Variants in RAB33B observed in about 807,000 individuals in gnomAD.
The protein encoded by RAB33B is RAB33B, member RAS oncogene family.
Under a neutral mutation model 15.0 loss-of-function variants are expected in RAB33B, and 6 were observed. The observed-to-expected ratio is 0.40, with a 90% CI of 0.22 to 0.79. The LOEUF (loss-of-function observed/expected upper bound fraction) is 0.79. RAB33B is among the 30% of genes least tolerant of loss of function. The probability of loss-of-function intolerance (pLI) is 0.37; values close to 1 mark genes in which losing one functional copy is unlikely to be tolerated. For synonymous variants in RAB33B, 117 were observed against 108.3 expected (o/e 1.08, Z -0.50); for missense variants, 257 against 296.4 (o/e 0.87, Z 0.98).
At chr4:139,447,657 A>ATTTT in the RAB33B span, among the ~76,000 whole-genome samples, 2 of 120,264 alleles carry the variant, frequency 1.7e-5, no homozygotes, top group Non-Finnish European at 3.5e-5. Context: ...TCAGTCTACT[A>ATTTT]CTTTTTTTTT....
chr4:139,462,119 T>C (rs1316722968), intron 1 of RAB33B, among the ~76,000 whole-genome samples: 3 of 146,048 alleles, frequency 2.1e-5, no homozygotes, highest in Non-Finnish European at 3.0e-5. Flanking sequence ...AGTGGCACAA[T>C]CTGGGCTCAC....
intron 1 of RAB33B, among the ~76,000 whole-genome samples, chr4:139,455,864 A>G (rs1750059982): frequency 6.6e-6 from 1 of 152,162 alleles, no homozygotes. Context: ...TTCATATCTG[A>G]ACCTACGAAA....
rs911806347 is a variant in RAB33B, at chr4:139,461,119, T to G, written c.249+6675T>G. Reference sequence around the variant, plus strand: ...TTCATATAACTAAAAAGCCTAGAAGTAAATTTCTCTGTCTGCCAGTTCCAA... The same window carrying G: ...TTCATATAACTAAAAAGCCTAGAAGGAAATTTCTCTGTCTGCCAGTTCCAA... On this transcript the variant is annotated intron_variant, in intron 1 of 1. Transcript: ENST00000305626. 1.3e-5 allele frequency among the ~76,000 whole-genome samples: 2 copies of G among 152,148 alleles called. 1 individual carries two copies. Among genetic ancestry groups the G allele is most frequent in the South Asian group, 4.1e-4 (2 of 4,826 alleles).
At chr4:139,457,924 A>G (rs1750100361) in intron 1 of RAB33B, among the ~76,000 whole-genome samples, 1 of 152,014 alleles carries the variant, frequency 6.6e-6, no homozygotes, top group South Asian at 2.1e-4. Flanking sequence ...CTTTCTATTA[A>G]CTGTCTTGTC....
Position 139,457,306 on chromosome 4 carries a change from T to C in RAB33B, c.249+2862T>C, listed in dbSNP as rs149684181. 1.5e-3 allele frequency among the ~76,000 whole-genome samples: 235 copies of C among 152,344 alleles called. 1 individual carries two copies. Among genetic ancestry groups the C allele is most frequent in the African/African-American group, 5.4e-3 (224 of 41,580 alleles). On this transcript the variant is annotated intron_variant, in intron 1 of 1. Transcript: ENST00000305626. The stretch of plus-strand genomic sequence containing the variant: ...TAAAATTAAATTCCTTAAATACAAA[T>C]ACATTCGGCTTTTAAATTGAGACTC...
At chr4:139,438,793 A>C in the RAB33B span, among the ~76,000 whole-genome samples, 1 of 152,216 alleles carries the variant, frequency 6.6e-6, no homozygotes, top group Non-Finnish European at 1.5e-5. Flanking sequence ...CATTGTTACA[A>C]TAATACTAGC....
intron 1 of RAB33B, among the ~76,000 whole-genome samples, chr4:139,456,116 C>A (rs1750063823): frequency 6.6e-6 from 1 of 152,130 alleles, no homozygotes; most frequent in South Asian, 2.1e-4. Flanking sequence ...ATATGAAGCA[C>A]CTGGTTCATA....
At chr4:139,472,618 A>G in intron 1 of RAB33B, 68 bp from the exon 2 acceptor site, 1 of 1,119,762 alleles carries the variant, frequency 8.9e-7, no homozygotes, top group Non-Finnish European at 1.3e-6. Flanking sequence ...ATGCAAGATG[A>G]TTACATTTCT....
chr4:139,448,605 C>G (rs1465708729), upstream of RAB33B: 1 of 151,980 alleles, frequency 6.6e-6, no homozygotes, highest in East Asian at 1.9e-4. Context: ...TGGCTAATTT[C>G]TGTATTTTTA....
At chr4:139,444,227 AAT>A in the RAB33B span, among the ~76,000 whole-genome samples, 1 of 152,116 alleles carries the variant, frequency 6.6e-6, no homozygotes, top group African/African-American at 2.4e-5. Context: ...AAAAGGTTCT[AAT>A]AGTTTATTTG....
At chr4:139,464,126 A>G (rs895435677) in intron 1 of RAB33B, among the ~76,000 whole-genome samples, 2 of 152,104 alleles carry the variant, frequency 1.3e-5, no homozygotes, top group Non-Finnish European at 2.9e-5. Flanking sequence ...TACAAAAAGT[A>G]AAAACTTAGC....
At chr4:139,442,797 A>C in the RAB33B span, among the ~76,000 whole-genome samples, 1 of 152,038 alleles carries the variant, frequency 6.6e-6, no homozygotes, top group African/African-American at 2.4e-5. Flanking sequence ...AAATATATAT[A>C]TCTATTCCAT....
intron 1 of RAB33B, among the ~76,000 whole-genome samples, chr4:139,455,333 G>A (rs1750048916): frequency 1.3e-5 from 2 of 152,082 alleles, no homozygotes; most frequent in South Asian, 4.2e-4. Context: ...TAAAACATAG[G>A]TGGAACCACC....
intron 1 of RAB33B, among the ~76,000 whole-genome samples, chr4:139,461,665 T>G (rs1579176113): frequency 6.6e-6 from 1 of 152,062 alleles, no homozygotes; most frequent in African/African-American, 2.4e-5. Context: ...TAACTAAGAT[T>G]ACTGTTCCAA....
intron 1 of RAB33B, among the ~76,000 whole-genome samples, chr4:139,458,712 A>C (rs1750114799): frequency 6.6e-6 from 1 of 152,232 alleles, no homozygotes. Flanking sequence ...TAGTGCTGTC[A>C]TGAACATACA....
chr4:139,467,308 C>CT lies in RAB33B; in HGVS notation c.250-5349dup, dbSNP rs70943422. Among the ~76,000 whole-genome samples the CT allele has an allele frequency of 9.5e-3, 167 of 17,616 alleles. 48 individuals carry two copies. The highest frequency in any genetic ancestry group is 0.018 in the East Asian group (6 of 338). 11.6% of individuals were successfully genotyped at this position (17,616 alleles called of 152,430 possible). A position where few individuals can be genotyped will look rare whatever the true frequency, so the allele number is the denominator to read the frequency against. On this transcript the variant is annotated intron_variant, in intron 1 of 1. Transcript: ENST00000305626. ...TCTTTCCCCACCACGCCCCCCGCCG[C>CT]TTTTTTTTTTTTTTTTTTTTTTTTT... is the stretch of plus-strand genomic sequence containing the variant.
In RAB33B at chr4:139,464,398, T is replaced by TTTG. The variant is rs1750238644; in HGVS notation, c.250-8286_250-8285insGTT. Among the ~76,000 whole-genome samples the TTTG allele has an allele frequency of 3.4e-5, 5 of 149,240 alleles. No individual in the cohort carries two copies. In the Admixed American group the frequency reaches 3.4e-4, roughly 10 times the overall value. On this transcript the variant is annotated intron_variant, in intron 1 of 1. Transcript: ENST00000305626. The stretch of plus-strand genomic sequence containing the variant: ...GAAGAGGAATACTGTTTTTTTTTTT[T>TTTG]TTTTTTTTTTTTTTATACTTTAAGT...
the RAB33B span, among the ~76,000 whole-genome samples, chr4:139,444,556 TG>T: frequency 5.9e-4 from 90 of 152,224 alleles, no homozygotes; most frequent in African/African-American, 2.1e-3. Flanking sequence ...AACTGTGCAC[TG>T]GGGAAAGGGA....
At chr4:139,464,483 T>A (rs1270530883) in intron 1 of RAB33B, among the ~76,000 whole-genome samples, 1 of 150,106 alleles carries the variant, frequency 6.7e-6, no homozygotes. Context: ...GTTGGTGTGC[T>A]GCACCCATTA....
Sources: gnomAD v4.1 joint callset for allele counts (sites outside exome capture counted in the v4.1 genomes callset) on GRCh38, gnomAD v4.1.1 for gene constraint, MANE v1.5 for transcripts, NCBI Gene and HGNC (gene_info 2026-07-23, HGNC 2026-07-21) for gene names.